The following UVSSA variants were observed in gnomAD, a reference collection of about 807,000 sequenced individuals.
UVSSA encodes the protein UV-stimulated scaffold protein A.
UVSSA carries 72 observed loss-of-function variants against 73.9 expected under a neutral mutation model. The ratio of observed to expected loss-of-function variants is 0.97; its 90% CI spans 0.81 to 1.19. UVSSA has a LOEUF of 1.19. UVSSA is among the 50% of genes most tolerant of loss of function. UVSSA has a pLI of 0.00. For missense variants in UVSSA, 1,150 were observed against 965.0 expected, an observed-to-expected ratio of 1.19 and a Z score of -2.54; for synonymous variants, 454 against 391.3, an observed-to-expected ratio of 1.16 and a Z score of -1.89.
chr4:1,349,405 A>T, intron 2 of UVSSA, 119 bp from the exon 3 acceptor site: 1 of 947,372 alleles, frequency 1.1e-6, no homozygotes, highest in African/African-American at 1.6e-5. Context: ...GGGAGAATGA[A>T]GATGGGAAGG....
At chr4:1,362,014 C>T (rs1356345381) in intron 7 of UVSSA, among the ~76,000 whole-genome samples, 1 of 152,220 alleles carries the variant, frequency 6.6e-6, no homozygotes, top group Non-Finnish European at 1.5e-5. Context: ...GTGTGGCGGA[C>T]AGACCTGCCC....
At chr4:1,372,223 G>T (rs887230164) in intron 8 of UVSSA, among the ~76,000 whole-genome samples, 2 of 152,158 alleles carry the variant, frequency 1.3e-5, no homozygotes, top group African/African-American at 4.8e-5. Context: ...TCTTTAGACA[G>T]CATGTTGCTA....
In UVSSA at chr4:1,360,074, G is replaced by A. The variant is rs529227683; in HGVS notation, c.1176+4829G>A. On this transcript the variant is annotated intron_variant, in intron 7 of 13. Transcript: ENST00000389851. ...TAAATCAGCGCTGCTGGGAAACCTT[G>A]TACCGCCCTAGGGCTGGGAAACAAC... is the stretch of plus-strand genomic sequence containing the variant. Among the ~76,000 whole-genome samples, 8 of 152,352 alleles carry A rather than the reference G, an allele frequency of 5.3e-5. No homozygotes were observed. In the South Asian group the frequency reaches 1.7e-3, roughly 32 times the overall value.
chr4:1,353,168 CCTG>C lies in UVSSA; in HGVS notation c.691_693del (p.Cys231del), dbSNP rs776678516. On this transcript the variant is annotated inframe_deletion, in exon 5 of 14. Coordinates refer to ENST00000389851, the MANE Select transcript of UVSSA (RefSeq NM_020894.4). ...GGCATGTCCGATGCCCTTCGCTCCT[CCTG>C]CGCGGGCCAGGTGGGCCCCTGCCGG... 1 of 1,612,920 alleles carries C rather than the reference CCTG, an allele frequency of 6.2e-7. No homozygotes were observed. Among genetic ancestry groups the C allele is most frequent in the East Asian group, 2.2e-5 (1 of 44,878 alleles).
upstream of UVSSA, among the ~76,000 whole-genome samples, chr4:1,345,288 G>C (rs899846954): frequency 2.6e-5 from 4 of 152,080 alleles, no homozygotes; most frequent in African/African-American, 9.7e-5. Flanking sequence ...GGAGTGAGAG[G>C]AAGAGAGAAG....
chr4:1,372,988 G>A (rs1424055514), intron 8 of UVSSA, among the ~76,000 whole-genome samples: 1 of 151,750 alleles, frequency 6.6e-6, no homozygotes, highest in Non-Finnish European at 1.5e-5. Context: ...TGTTTTCAAA[G>A]CGGACCTCAC....
At position 1,384,037 on chromosome 4, in the gene UVSSA, G is replaced by T; in HGVS notation, c.2036+97G>T. 2.2e-6 allele frequency: 3 copies of T among 1,371,236 alleles called. No individual in the cohort carries two copies. In the South Asian group the frequency reaches 4.5e-5, roughly 20 times the overall value. 84.9% of individuals were successfully genotyped at this position (1,371,236 alleles called of 1,614,324 possible). A position where few individuals can be genotyped will look rare whatever the true frequency, so the allele number is the denominator to read the frequency against. ...GAGCGCCAAGATATTCCAGGGACTT[G>T]GGGCCTCCAGGGGCTCCCCTGCTTT... On this transcript the variant is annotated intron_variant, in intron 13 of 13. Coordinates refer to ENST00000389851, the MANE Select transcript of UVSSA (RefSeq NM_020894.4).
intron 13 of UVSSA, 151 bp from the exon 14 acceptor site, chr4:1,385,717 G>A (rs1560492495): frequency 1.3e-6 from 1 of 755,352 alleles, no homozygotes; most frequent in East Asian, 2.6e-5. Flanking sequence ...TCGCCCATCT[G>A]TCTCTGAAGG....
At chr4:1,395,723 G>C in exon 14 of UVSSA, 1 of 1,614,248 alleles carries the variant, frequency 6.2e-7, no homozygotes, top group Non-Finnish European at 8.5e-7. Context: ...TGGCATGGTG[G>C]TTCTGTAGGT....
exon 14 of UVSSA, chr4:1,395,597 G>T: frequency 6.3e-7 from 1 of 1,588,322 alleles, no homozygotes; most frequent in East Asian, 2.3e-5. Flanking sequence ...TGGAGTGCCC[G>T]CCTGCTCACA....
At chr4:1,388,970 C>G (rs546455737), downstream of UVSSA, 3 of 152,126 alleles carry the variant, frequency 2.0e-5, no homozygotes, top group East Asian at 3.8e-4. Context: ...TGTTCCCTCC[C>G]CTCCTATTTT....
upstream of UVSSA, among the ~76,000 whole-genome samples, chr4:1,343,224 C>T (rs1422703126): frequency 1.3e-5 from 2 of 152,162 alleles, no homozygotes; most frequent in South Asian, 2.1e-4. Flanking sequence ...GGCTTGCAGA[C>T]GGCCCCCTTC....
intron 10 of UVSSA, 58 bp from the exon 11 acceptor site, chr4:1,379,989 G>A: frequency 6.5e-7 from 1 of 1,529,144 alleles, no homozygotes; most frequent in Non-Finnish European, 8.8e-7. Context: ...GCACCACCGT[G>A]GCCACGCTCT....
chr4:1,349,522 A>G lies in UVSSA; in HGVS notation c.99-2A>G, dbSNP rs1474398944. Reference sequence around the variant, plus strand: ...TTGGGTCAGGCCAGCTCGCATCCCCAGGTCTTCAGAGGAGCAGCTGAGCCG... The same window carrying G: ...TTGGGTCAGGCCAGCTCGCATCCCCGGGTCTTCAGAGGAGCAGCTGAGCCG... On this transcript the variant is annotated splice_acceptor_variant, in intron 2 of 13. Coordinates refer to ENST00000389851, the MANE Select transcript of UVSSA (RefSeq NM_020894.4). LOFTEE classifies it high-confidence loss of function. 6.2e-7 allele frequency: 1 copy of G among 1,611,042 alleles called. No individual in the cohort carries two copies. The highest frequency in any genetic ancestry group is 1.1e-5 in the South Asian group (1 of 91,032).
intron 2 of UVSSA, among the ~76,000 whole-genome samples, chr4:1,348,690 C>T (rs187334947): frequency 3.9e-5 from 6 of 152,238 alleles, no homozygotes; most frequent in Admixed American, 3.3e-4. Context: ...GAGCATAAGT[C>T]GAGGACACTG....
chr4:1,345,474 G>A (rs2068482218), upstream of UVSSA, among the ~76,000 whole-genome samples: 3 of 151,832 alleles, frequency 2.0e-5, no homozygotes, highest in South Asian at 6.2e-4. Flanking sequence ...GTGAAACCCC[G>A]TCTCTACTAA....
At chr4:1,393,306 A>G (rs958332543) in exon 14 of UVSSA, 1 of 152,170 alleles carries the variant, frequency 6.6e-6, no homozygotes, top group African/African-American at 2.4e-5. Context: ...CTTTACTCAT[A>G]TTCTTTGTTT....
In UVSSA at chr4:1,349,854, G is replaced by A. The variant is rs2109061468; in HGVS notation, c.429G>A (p.Lys143=). 1.2e-5 allele frequency: 19 copies of A among 1,537,536 alleles called. No individual in the cohort carries two copies. The highest frequency in any genetic ancestry group is 1.6e-5 in the Non-Finnish European group (18 of 1,143,076). Residue 143 remains lysine (K), a splice_region_variant and synonymous_variant, in exon 3 of 14, where the codon AAG becomes AAA. Transcript: ENST00000389851. ...LGYHFLRHNK[K]VDFQDTNARS... ...ACCACTTCTTAAGACACAACAAAAA[G>A]GTAGGTGGGCCTGGCCCATTTTTTC...
exon 14 of UVSSA, chr4:1,393,586 A>G (rs1324475390): frequency 6.7e-6 from 1 of 150,338 alleles, no homozygotes; most frequent in Admixed American, 6.6e-5. Flanking sequence ...AGATAGATAG[A>G]TAGATAGATA....
Sources: allele counts gnomAD v4.1 joint callset (sites outside exome capture counted in the v4.1 genomes callset), GRCh38; gene constraint gnomAD v4.1.1; transcripts MANE v1.5; gene names NCBI Gene and HGNC (gene_info 2026-07-23, HGNC 2026-07-21).